HSD17B12: variants seen among roughly 807,000 people sequenced by gnomAD.
The protein encoded by HSD17B12 is very-long-chain 3-oxoacyl-CoA reductase.
Under a neutral mutation model 39.3 loss-of-function variants are expected in HSD17B12, and 32 were observed. The ratio of observed to expected loss-of-function variants is 0.81; its 90% confidence interval spans 0.61 to 1.09. The LOEUF is 1.09. Among genes scored for constraint, HSD17B12 ranks in the 50% least tolerant of loss-of-function variants. The probability of loss-of-function intolerance (pLI) is 0.00; values close to 1 mark genes in which losing one functional copy is unlikely to be tolerated. For missense variants in HSD17B12, 342 were observed against 382.9 expected (o/e 0.89, Z 0.89); for synonymous variants, 150 against 146.7 (o/e 1.02, Z -0.16).
chr11:43,659,916 A>G, the HSD17B12 span, among the ~76,000 whole-genome samples: 3 of 152,190 alleles, frequency 2.0e-5, no homozygotes, highest in Non-Finnish European at 4.4e-5. Flanking sequence ...CAATTTTTTT[A>G]CAAATCTAAT....
chr11:43,853,473 A>G (rs2135151906), intron 9 of HSD17B12: 1 of 152,254 alleles, frequency 6.6e-6, no homozygotes, highest in Non-Finnish European at 1.5e-5. Context: ...CATGTGTTAG[A>G]ACCATTCCTT....
intron 4 of HSD17B12, among the ~76,000 whole-genome samples, chr11:43,812,820 A>T (rs1951085329): frequency 6.6e-6 from 1 of 152,122 alleles, no homozygotes; most frequent in South Asian, 2.1e-4. Context: ...TATCAGAGAC[A>T]CAGCTGAAGA....
At chr11:43,811,174 T>G (rs1951070034) in intron 4 of HSD17B12, among the ~76,000 whole-genome samples, 1 of 152,216 alleles carries the variant, frequency 6.6e-6, no homozygotes, top group Non-Finnish European at 1.5e-5. Flanking sequence ...CGTCTCAAAA[T>G]AAAATTGCCG....
chr11:43,692,732 T>C (rs1949874104), intron 1 of HSD17B12, among the ~76,000 whole-genome samples: 1 of 152,240 alleles, frequency 6.6e-6, no homozygotes, highest in Non-Finnish European at 1.5e-5. Context: ...GTTTTTAATT[T>C]TGAAATTGTG....
the HSD17B12 span, among the ~76,000 whole-genome samples, chr11:43,642,841 A>G: frequency 6.6e-6 from 1 of 151,914 alleles, no homozygotes; most frequent in South Asian, 2.1e-4. Flanking sequence ...ATTGTACAGG[A>G]GTGAAGAAGT....
At chr11:43,680,358 C>T (rs1262585317), upstream of HSD17B12, among the ~76,000 whole-genome samples, 1 of 152,204 alleles carries the variant, frequency 6.6e-6, no homozygotes, top group African/African-American at 2.4e-5. Context: ...AGGTGTTAGC[C>T]ACCGCGCCCT....
the HSD17B12 span, among the ~76,000 whole-genome samples, chr11:43,639,448 A>T: frequency 6.6e-6 from 1 of 152,108 alleles, no homozygotes; most frequent in African/African-American, 2.4e-5. Context: ...ATCAAGTTAG[A>T]GATGAAGAAA....
the HSD17B12 span, among the ~76,000 whole-genome samples, chr11:43,629,401 A>G: frequency 6.6e-6 from 1 of 152,156 alleles, no homozygotes; most frequent in African/African-American, 2.4e-5. Context: ...CTCTAAATTT[A>G]CCTTCAGAGA....
At chr11:43,669,172 C>A in the HSD17B12 span, among the ~76,000 whole-genome samples, 111 of 151,892 alleles carry the variant, frequency 7.3e-4, no homozygotes, top group African/African-American at 2.7e-3. Flanking sequence ...TCTACCGCAA[C>A]AAGGTGCACC....
At chr11:43,628,973 C>A in the HSD17B12 span, among the ~76,000 whole-genome samples, 3 of 151,896 alleles carry the variant, frequency 2.0e-5, no homozygotes, top group South Asian at 2.1e-4. Flanking sequence ...TAATCCATAC[C>A]ATTCATCTCA....
the HSD17B12 span, among the ~76,000 whole-genome samples, chr11:43,586,442 G>A: frequency 6.6e-6 from 1 of 152,164 alleles, no homozygotes; most frequent in Non-Finnish European, 1.5e-5. Context: ...AGTTCCGTAA[G>A]GCATGGGTCC....
At chr11:43,639,727 C>CAT in the HSD17B12 span, among the ~76,000 whole-genome samples, 1 of 152,032 alleles carries the variant, frequency 6.6e-6, no homozygotes, top group Non-Finnish European at 1.5e-5. Context: ...CCAAGAATGG[C>CAT]ATAAGGGAAA....
chr11:43,695,844 A>T (rs951319853), intron 1 of HSD17B12, among the ~76,000 whole-genome samples: 1 of 152,156 alleles, frequency 6.6e-6, no homozygotes, highest in Non-Finnish European at 1.5e-5. Flanking sequence ...ATAAATACAT[A>T]TATTTCTAAC....
chr11:43,560,561 T>C, the HSD17B12 span, among the ~76,000 whole-genome samples: 1 of 152,298 alleles, frequency 6.6e-6, no homozygotes, highest in East Asian at 1.9e-4. Context: ...TGTGTAGTCA[T>C]AGGCTTACTT....
intron 1 of HSD17B12, among the ~76,000 whole-genome samples, chr11:43,744,983 G>A (rs1486214338): frequency 6.6e-6 from 1 of 152,230 alleles, no homozygotes; most frequent in Non-Finnish European, 1.5e-5. Flanking sequence ...GCCTTTGGCT[G>A]AGAGCAGTTA....
intron 4 of HSD17B12, among the ~76,000 whole-genome samples, chr11:43,809,455 G>A (rs760225828): frequency 6.6e-6 from 1 of 152,100 alleles, no homozygotes; most frequent in Non-Finnish European, 1.5e-5. Context: ...TATATACACT[G>A]TTACTAAAGT....
chr11:43,584,204 C>T, the HSD17B12 span, among the ~76,000 whole-genome samples: 18 of 152,312 alleles, frequency 1.2e-4, no homozygotes, highest in Admixed American at 2.6e-4. Context: ...TCCTCTTTCC[C>T]GGACCTGTGG....
rs1384233309 is a variant in HSD17B12, at chr11:43,810,446, C to A, written c.392-4991C>A. On this transcript the variant is annotated intron_variant, in intron 4 of 10. Coordinates refer to ENST00000278353, the MANE Select transcript of HSD17B12 (RefSeq NM_016142.3). The stretch of plus-strand genomic sequence containing the variant: ...GTGGATTTTCTGTGTCTTTAAAATG[C>A]AACACATAATGATATTAGTGTTTTC... 2.1e-5 allele frequency among the ~76,000 whole-genome samples: 3 copies of A among 145,846 alleles called. No individual in the cohort carries two copies. In the East Asian group the frequency reaches 6.0e-4, roughly 29 times the overall value.
chr11:43,665,160 A>G, the HSD17B12 span, among the ~76,000 whole-genome samples: 1 of 152,232 alleles, frequency 6.6e-6, no homozygotes, highest in Admixed American at 6.5e-5. Flanking sequence ...CATAGATTGG[A>G]AGCAGAAAAC....
Sources: gnomAD v4.1 joint callset for allele counts (sites outside exome capture counted in the v4.1 genomes callset) on GRCh38, gnomAD v4.1.1 for gene constraint, MANE v1.5 for transcripts, NCBI Gene and HGNC (gene_info 2026-07-23, HGNC 2026-07-21) for gene names.